The following TNFAIP8 variants were observed in gnomAD, a reference collection of about 807,000 sequenced individuals.
TNFAIP8 encodes tumor necrosis factor alpha-induced protein 8.
Under a neutral mutation model 13.3 loss-of-function variants are expected in TNFAIP8, and 7 were observed. The observed-to-expected ratio is 0.52, with a 90% CI of 0.30 to 0.99. The LOEUF is 0.99. Among genes scored for constraint, TNFAIP8 ranks in the 50% least tolerant of loss-of-function variants. The probability of loss-of-function intolerance (pLI) is 0.07; values close to 1 mark genes in which losing one functional copy is unlikely to be tolerated. For missense variants in TNFAIP8, 258 were observed against 236.9 expected, an observed-to-expected ratio of 1.09 and a Z score of -0.58; for synonymous variants, 94 against 87.6, an observed-to-expected ratio of 1.07 and a Z score of -0.41.
intron 1 of TNFAIP8, among the ~76,000 whole-genome samples, chr5:119,296,504 G>C (rs1313427434): frequency 6.6e-6 from 1 of 152,122 alleles, no homozygotes; most frequent in Non-Finnish European, 1.5e-5. Flanking sequence ...TAAGCTTTTT[G>C]ATGTGCTGTT....
At chr5:119,339,386 C>G (rs1750660716) in intron 1 of TNFAIP8, among the ~76,000 whole-genome samples, 1 of 151,324 alleles carries the variant, frequency 6.6e-6, no homozygotes, top group African/African-American at 2.4e-5. Context: ...AGGATTGCTA[C>G]CCAGGGAGAG....
At chr5:119,391,428 G>T in intron 1 of TNFAIP8, 2 of 702,284 alleles carry the variant, frequency 2.8e-6, no homozygotes, top group Non-Finnish European at 5.2e-6. Context: ...AGATTGAGTA[G>T]ACACCCAAAG....
intron 1 of TNFAIP8, among the ~76,000 whole-genome samples, chr5:119,374,228 A>T (rs1324361558): frequency 2.0e-5 from 3 of 152,096 alleles, no homozygotes; most frequent in African/African-American, 7.2e-5. Context: ...TTTGCATTAT[A>T]CTTACTGGTT....
intron 1 of TNFAIP8, among the ~76,000 whole-genome samples, chr5:119,293,847 T>G (rs563934830): frequency 6.6e-6 from 1 of 152,242 alleles, no homozygotes; most frequent in East Asian, 1.9e-4. Context: ...TGCTTGAAAA[T>G]TTGAATAATA....
At chr5:119,371,047 A>G (rs1752050692) in intron 1 of TNFAIP8, among the ~76,000 whole-genome samples, 1 of 152,230 alleles carries the variant, frequency 6.6e-6, no homozygotes. Flanking sequence ...TCCCCTTTTC[A>G]TGTTAGCTAG....
intron 1 of TNFAIP8, among the ~76,000 whole-genome samples, chr5:119,276,231 C>A (rs1748441604): frequency 6.6e-6 from 1 of 151,960 alleles, no homozygotes; most frequent in African/African-American, 2.4e-5. Flanking sequence ...GAAGCTCCTA[C>A]CTCAGCCTCC....
intron 1 of TNFAIP8, among the ~76,000 whole-genome samples, chr5:119,329,300 G>C (rs1750307442): frequency 6.6e-6 from 1 of 152,122 alleles, no homozygotes; most frequent in South Asian, 2.1e-4. Flanking sequence ...TTAAAACATA[G>C]AAACAAGTAC....
intron 1 of TNFAIP8, among the ~76,000 whole-genome samples, chr5:119,294,695 A>G (rs1231920966): frequency 6.6e-6 from 1 of 152,136 alleles, no homozygotes; most frequent in African/African-American, 2.4e-5. Context: ...CATCCTCTCC[A>G]GCACCTGTTG....
chr5:119,338,179 C>CACACAA (rs1750619470), intron 1 of TNFAIP8, among the ~76,000 whole-genome samples: 1 of 124,226 alleles, frequency 8.0e-6, no homozygotes, highest in African/African-American at 3.6e-5. Context: ...CACACACACA[C>CACACAA]ACACACACAC....
At chr5:119,377,621 A>G (rs1384630907) in intron 1 of TNFAIP8, among the ~76,000 whole-genome samples, 1 of 152,160 alleles carries the variant, frequency 6.6e-6, no homozygotes, top group Non-Finnish European at 1.5e-5. Context: ...AGATTTTGGT[A>G]CTCAAATGTA....
intron 1 of TNFAIP8, among the ~76,000 whole-genome samples, chr5:119,376,326 G>T (rs1406068631): frequency 6.6e-6 from 1 of 151,572 alleles, no homozygotes; most frequent in Non-Finnish European, 1.5e-5. Flanking sequence ...TGCTGGCCAG[G>T]CTGGTCTCGA....
intron 1 of TNFAIP8, among the ~76,000 whole-genome samples, chr5:119,364,566 A>G (rs1327663433): frequency 1.3e-5 from 2 of 152,090 alleles, no homozygotes; most frequent in Non-Finnish European, 2.9e-5. Flanking sequence ...TAGGCTGGTC[A>G]TGAACTCATG....
At chr5:119,355,076 G>T, upstream of TNFAIP8, 1 of 511,380 alleles carries the variant, frequency 2.0e-6, no homozygotes, top group Non-Finnish European at 3.5e-6. Context: ...GCTCCACAGA[G>T]CTAAGGGGAC....
chr5:119,292,771 T>C (rs1749039454), intron 1 of TNFAIP8, among the ~76,000 whole-genome samples: 1 of 145,864 alleles, frequency 6.9e-6, no homozygotes, highest in Admixed American at 7.1e-5. Flanking sequence ...CTCAAAAACA[T>C]TGTGCCAGGT....
chr5:119,329,581 G>A (rs533671506), intron 1 of TNFAIP8, among the ~76,000 whole-genome samples: 6 of 152,280 alleles, frequency 3.9e-5, no homozygotes, highest in Admixed American at 6.5e-5. Context: ...ATGCTTTTGC[G>A]ATATGATATG....
intron 1 of TNFAIP8, among the ~76,000 whole-genome samples, chr5:119,371,216 C>T (rs1257915673): frequency 1.3e-5 from 2 of 151,616 alleles, no homozygotes; most frequent in African/African-American, 4.8e-5. Flanking sequence ...TAGAATATAC[C>T]CTGCATTGGA....
intron 1 of TNFAIP8, among the ~76,000 whole-genome samples, chr5:119,272,300 G>A (rs2150798467): frequency 6.6e-6 from 1 of 152,268 alleles, no homozygotes. Context: ...CACACAGCAG[G>A]CATTTATTGA....
chr5:119,287,668 G>A (rs899312800), intron 1 of TNFAIP8, among the ~76,000 whole-genome samples: 9 of 152,048 alleles, frequency 5.9e-5, no homozygotes, highest in Non-Finnish European at 1.3e-4. Flanking sequence ...ACTCAGTTTT[G>A]TTATCTCTAG....
At chr5:119,362,634 C>CA (rs750200586) in intron 1 of TNFAIP8, among the ~76,000 whole-genome samples, 1 of 151,152 alleles carries the variant, frequency 6.6e-6, no homozygotes, top group Non-Finnish European at 1.5e-5. Flanking sequence ...CCCATCTCTA[C>CA]AAAAAAAATT....
Sources: allele counts gnomAD v4.1 joint callset (sites outside exome capture counted in the v4.1 genomes callset), GRCh38; gene constraint gnomAD v4.1.1; transcripts MANE v1.5; gene names NCBI Gene and HGNC (gene_info 2026-07-23, HGNC 2026-07-21).